The following SLC38A1 variants were observed in gnomAD, a reference collection of about 807,000 sequenced individuals.
SLC38A1 encodes sodium-coupled neutral amino acid symporter 1.
A neutral mutation model predicts 60.3 loss-of-function variants in SLC38A1; 18 were observed. The observed-to-expected ratio is 0.30, with a 90% CI of 0.21 to 0.44. SLC38A1 has a LOEUF of 0.44. SLC38A1 is among the 20% of genes least tolerant of loss of function. SLC38A1 has a pLI of 1.00. For missense variants in SLC38A1, 448 were observed against 587.2 expected (o/e 0.76, Z 2.45); for synonymous variants, 196 against 212.1 (o/e 0.92, Z 0.66).
chr12:46,200,559 A>G (rs1490331710), intron 13 of SLC38A1, among the ~76,000 whole-genome samples: 2 of 152,206 alleles, frequency 1.3e-5, no homozygotes, highest in Non-Finnish European at 2.9e-5. Context: ...ATTCAGGGTC[A>G]GTAAAAGTTA....
intron 12 of SLC38A1, 24 bp downstream of exon 12, chr12:46,202,986 T>C (rs201596793): frequency 2.1e-5 from 34 of 1,589,108 alleles, no homozygotes; most frequent in Non-Finnish European, 2.4e-5. Flanking sequence ...ACGATTAAGA[T>C]AAAAAATTAA....
rs79912334 is a variant in SLC38A1 at position 46,214,963 on chromosome 12, C to A, written c.315-5836G>T. Reference sequence around the variant, plus strand: ...GAGAACCGTTGCCAGCCCTCCCTAGCATGACTCTCCCTTGCAAAGTTGAAA... The same window carrying A: ...GAGAACCGTTGCCAGCCCTCCCTAGAATGACTCTCCCTTGCAAAGTTGAAA... On this transcript the variant is annotated intron_variant, in intron 5 of 16. Coordinates refer to ENST00000398637, the MANE Select transcript of SLC38A1 (RefSeq NM_030674.4). 3.9e-3 allele frequency among the ~76,000 whole-genome samples: 589 copies of A among 152,290 alleles called. 4 individuals carry two copies. Among genetic ancestry groups the A allele is most frequent in the African/African-American group, 0.013 (529 of 41,550 alleles).
intron 2 of SLC38A1, among the ~76,000 whole-genome samples, chr12:46,241,653 C>A (rs1483260289): frequency 6.6e-6 from 1 of 152,138 alleles, no homozygotes; most frequent in African/African-American, 2.4e-5. Context: ...GTTTCTGGTA[C>A]CTTCATGCAG....
At chr12:46,197,865 T>C in intron 15 of SLC38A1, 48 bp from the exon 16 acceptor site, 1 of 1,605,018 alleles carries the variant, frequency 6.2e-7, no homozygotes, top group Non-Finnish European at 8.5e-7. Context: ...ATTGTGAAAA[T>C]TTCCCTGCAA....
At chr12:46,213,797 C>A (rs991320157) in intron 5 of SLC38A1, among the ~76,000 whole-genome samples, 1 of 152,200 alleles carries the variant, frequency 6.6e-6, no homozygotes, top group Admixed American at 6.5e-5. Context: ...TTATGTGTCT[C>A]CATCACTAGA....
chr12:46,244,617 A>G (rs988436961), intron 1 of SLC38A1, among the ~76,000 whole-genome samples: 1 of 152,138 alleles, frequency 6.6e-6, no homozygotes, highest in Non-Finnish European at 1.5e-5. Flanking sequence ...GGCTCAAGTG[A>G]TGTGTTCCTC....
At chr12:46,262,823 T>A (rs189603563) in intron 1 of SLC38A1, among the ~76,000 whole-genome samples, 294 of 152,342 alleles carry the variant, frequency 1.9e-3, no homozygotes, top group African/African-American at 6.7e-3. Context: ...AAAGACACTA[T>A]ATAATTCAAT....
chr12:46,191,914 C>A (rs899750998), intron 16 of SLC38A1, among the ~76,000 whole-genome samples: 2 of 152,130 alleles, frequency 1.3e-5, no homozygotes, highest in African/African-American at 4.8e-5. Context: ...TAATTGAATA[C>A]CATTTTCATT....
At position 46,198,670 on chromosome 12, in the gene SLC38A1, A is replaced by G. The variant is rs1939499443; in HGVS notation, c.1077T>C (p.Ala359=). 1 of 1,613,712 alleles carries G rather than the reference A, an allele frequency of 6.2e-7. No individual in the cohort carries two copies. The highest frequency in any genetic ancestry group is 1.3e-5 in the African/African-American group (1 of 74,902). ...CTGTGAGGATCACAGCAACAATGAC[A>G]GCCAGCCGCACTGTCAGGATGAGAA... is the stretch of plus-strand genomic sequence containing the variant. ...DDILILTVRL[A]VIVAVILTVP... Residue 359 remains alanine, a synonymous_variant, in exon 14 of 17, where the codon GCT becomes GCC. Transcript: ENST00000398637.
intron 1 of SLC38A1, among the ~76,000 whole-genome samples, chr12:46,244,995 T>C (rs977989145): frequency 6.6e-6 from 1 of 152,192 alleles, no homozygotes; most frequent in Admixed American, 6.5e-5. Context: ...TCTTGTTAGA[T>C]TTTTTTATGC....
chr12:46,207,697 C>T (rs1010096663), intron 6 of SLC38A1, 76 bp from the exon 7 acceptor site: 1 of 1,371,624 alleles, frequency 7.3e-7, no homozygotes, highest in African/African-American at 1.4e-5. Flanking sequence ...TTTTGTCATT[C>T]TATTGACTGT....
At chr12:46,252,317 T>TCA (rs1338605070) in intron 1 of SLC38A1, among the ~76,000 whole-genome samples, 1 of 151,960 alleles carries the variant, frequency 6.6e-6, no homozygotes, top group Admixed American at 6.6e-5. Flanking sequence ...GAGGGGAACA[T>TCA]CACACACCGG....
At position 46,203,003 on chromosome 12, in the gene SLC38A1, T is replaced by G. The variant is rs779974012; in HGVS notation, c.902+7A>C. 1 of 1,607,980 alleles carries G rather than the reference T, an allele frequency of 6.2e-7. No individual in the cohort carries two copies. Among genetic ancestry groups the G allele is most frequent in the Non-Finnish European group, 8.5e-7 (1 of 1,176,274 alleles). On this transcript the variant is annotated splice_region_variant and intron_variant, in intron 12 of 16. Transcript: ENST00000398637. ...GATTAAGATAAAAAATTAAACAAAT[T>G]TCTTACTCTTTAAGCTCACTGTAAA...
intron 12 of SLC38A1, among the ~76,000 whole-genome samples, chr12:46,201,674 G>C (rs1220023426): frequency 6.6e-6 from 1 of 151,854 alleles, no homozygotes; most frequent in Non-Finnish European, 1.5e-5. Flanking sequence ...AAGTCTGTAG[G>C]TCTCCAGCGC....
intron 1 of SLC38A1, among the ~76,000 whole-genome samples, chr12:46,250,944 T>C (rs1252285939): frequency 6.6e-6 from 1 of 152,144 alleles, no homozygotes; most frequent in Admixed American, 6.5e-5. Flanking sequence ...TTCAATGCCA[T>C]CCTCATCAAG....
intron 16 of SLC38A1, among the ~76,000 whole-genome samples, chr12:46,192,139 T>C (rs1939170935): frequency 6.6e-6 from 1 of 152,254 alleles, no homozygotes; most frequent in Non-Finnish European, 1.5e-5. Flanking sequence ...GTTTTTAGCA[T>C]GAAGCACTGT....
chr12:46,237,788 A>G (rs1418965662), intron 3 of SLC38A1, among the ~76,000 whole-genome samples: 6 of 151,860 alleles, frequency 4.0e-5, no homozygotes, highest in Non-Finnish European at 8.8e-5. Flanking sequence ...GATTGCTTTG[A>G]TAATGGATTG....
chr12:46,236,410 A>G (rs1431437496), intron 3 of SLC38A1, among the ~76,000 whole-genome samples: 1 of 152,168 alleles, frequency 6.6e-6, no homozygotes, highest in African/African-American at 2.4e-5. Flanking sequence ...TTCTTAACCT[A>G]CAGATAATAG....
chr12:46,239,872 C>T lies in SLC38A1; in HGVS notation c.-72G>A, dbSNP rs573079476. 4.0e-6 allele frequency: 6 copies of T among 1,509,942 alleles called. No homozygotes were observed. The highest frequency in any genetic ancestry group is 4.6e-5 in the East Asian group (2 of 43,682). 93.5% of individuals were successfully genotyped at this position (1,509,942 alleles called of 1,614,324 possible). A position where few individuals can be genotyped will look rare whatever the true frequency, so the allele number is the denominator to read the frequency against. On this transcript the variant is annotated 5_prime_UTR_variant, in exon 3 of 17. Coordinates refer to ENST00000398637, the MANE Select transcript of SLC38A1 (RefSeq NM_030674.4). ...TTCTGAGTGTATTTAGAAGTAGATA[C>T]CAAAATGGAAGCTTGACACCCCTAA...
Sources: allele counts gnomAD v4.1 joint callset (sites outside exome capture counted in the v4.1 genomes callset), GRCh38; gene constraint gnomAD v4.1.1; transcripts MANE v1.5; gene names NCBI Gene and HGNC (gene_info 2026-07-23, HGNC 2026-07-21).